TENM4: variants seen among roughly 807,000 people sequenced by gnomAD.
TENM4 encodes teneurin transmembrane protein 4.
A neutral mutation model predicts 243.3 loss-of-function variants in TENM4; 82 were observed. The observed-to-expected ratio is 0.34, with a 90% CI of 0.28 to 0.40. TENM4 has a LOEUF of 0.40. Among genes scored for constraint, TENM4 ranks in the 10% least tolerant of loss-of-function variants. TENM4 has a pLI of 1.00. For missense variants in TENM4, 3,138 were observed against 3,673.3 expected (o/e 0.85, Z 3.77); for synonymous variants, 1,412 against 1,456.3 (o/e 0.97, Z 0.69).
chr11:79,218,733 C>T (rs544981084), intron 2 of TENM4, among the ~76,000 whole-genome samples: 1 of 152,310 alleles, frequency 6.6e-6, no homozygotes, highest in South Asian at 2.1e-4. Context: ...TCCCTAAATT[C>T]CCTTTTTTTC....
chr11:78,809,243 TCAGAAGGAA>T (rs1331622365), intron 14 of TENM4, among the ~76,000 whole-genome samples: 2 of 152,002 alleles, frequency 1.3e-5, no homozygotes, highest in Non-Finnish European at 2.9e-5. Context: ...AGAACAAAGA[TCAGAAGGAA>T]CTGACGAGAG....
At chr11:79,363,297 G>T (rs56159700) in intron 1 of TENM4, among the ~76,000 whole-genome samples, 38,945 of 152,106 alleles carry the variant, frequency 0.26, 5,085 homozygotes, top group Middle Eastern at 0.33. Flanking sequence ...CAGCCCACTT[G>T]CTCCATCTGC....
intron 6 of TENM4, among the ~76,000 whole-genome samples, chr11:78,912,350 G>A (rs1350250813): frequency 2.6e-5 from 4 of 152,200 alleles, no homozygotes; most frequent in South Asian, 2.1e-4. Flanking sequence ...CGTCTCATGG[G>A]TTCAAGCAAT....
chr11:79,331,776 C>T (rs188102273), intron 1 of TENM4, among the ~76,000 whole-genome samples: 276 of 152,338 alleles, frequency 1.8e-3, no homozygotes, highest in Non-Finnish European at 2.7e-3. Flanking sequence ...AGGGGAGCCT[C>T]GCAGGGGCTG....
At chr11:79,352,816 C>T (rs1486435848) in intron 1 of TENM4, among the ~76,000 whole-genome samples, 2 of 152,126 alleles carry the variant, frequency 1.3e-5, no homozygotes, top group Non-Finnish European at 2.9e-5. Context: ...CAAAAAGAGA[C>T]GCAACAAATT....
chr11:79,047,197 C>G (rs1859679219), intron 6 of TENM4, among the ~76,000 whole-genome samples: 1 of 152,122 alleles, frequency 6.6e-6, no homozygotes, highest in African/African-American at 2.4e-5. Flanking sequence ...TACCTCTGAC[C>G]AAGAGACAGA....
At chr11:79,301,878 G>A (rs552269478) in intron 1 of TENM4, among the ~76,000 whole-genome samples, 1 of 152,120 alleles carries the variant, frequency 6.6e-6, no homozygotes, top group African/African-American at 2.4e-5. Flanking sequence ...GTTTCCTGAG[G>A]TCTCCCCAGA....
chr11:79,215,054 T>A (rs956679290), intron 3 of TENM4, among the ~76,000 whole-genome samples: 2 of 152,200 alleles, frequency 1.3e-5, no homozygotes, highest in African/African-American at 2.4e-5. Flanking sequence ...TGGTACCTAG[T>A]AGGTTCACAG....
chr11:79,212,214 T>C (rs946026670), intron 3 of TENM4, among the ~76,000 whole-genome samples: 2 of 152,156 alleles, frequency 1.3e-5, no homozygotes, highest in East Asian at 1.9e-4. Context: ...GGTCAATGCT[T>C]ATAACTGAAA....
rs1858249715 is a variant in TENM4, at chr11:78,669,397, G to A, written c.6948C>T (p.Asp2316=). 1 of 1,613,684 alleles carries A rather than the reference G, an allele frequency of 6.2e-7. No individual in the cohort carries two copies. The highest frequency in any genetic ancestry group is 8.5e-7 in the Non-Finnish European group (1 of 1,179,726). Residue 2316 remains aspartate (D), a synonymous_variant, in exon 32 of 34, where the codon GAC becomes GAT. Coordinates refer to ENST00000278550, the MANE Select transcript of TENM4 (RefSeq NM_001098816.3). The surrounding 1 kb of genome is among the most constrained non-coding windows in gnomAD (Gnocchi z 6.4). ...GGGTGACCTTGGTGGGGTTGGTCAG[G>A]TCTGCATAGAAGAACTGCAGGTGGT... is the stretch of plus-strand genomic sequence containing the variant. ...HSHHLQFFYA[D]LTNPTKVTHL... is the part of the protein sequence containing the mutation.
chr11:79,118,506 C>A (rs1341185387), intron 4 of TENM4, among the ~76,000 whole-genome samples: 1 of 152,144 alleles, frequency 6.6e-6, no homozygotes, highest in Admixed American at 6.5e-5. Flanking sequence ...GTACAGAACT[C>A]TTCATCTTTC....
chr11:79,380,288 T>C (rs1326148442), intron 1 of TENM4, among the ~76,000 whole-genome samples: 3 of 152,132 alleles, frequency 2.0e-5, no homozygotes, highest in African/African-American at 7.2e-5. Flanking sequence ...CATGGGCATT[T>C]TCCACATCAA....
intron 1 of TENM4, among the ~76,000 whole-genome samples, chr11:79,365,770 A>G (rs1273746238): frequency 3.3e-5 from 5 of 152,138 alleles, no homozygotes; most frequent in African/African-American, 1.2e-4. Flanking sequence ...ACCAGATCTC[A>G]GGGGGTCTGG....
At chr11:78,973,536 A>G (rs1857588180) in intron 6 of TENM4, among the ~76,000 whole-genome samples, 1 of 152,054 alleles carries the variant, frequency 6.6e-6, no homozygotes, top group Admixed American at 6.5e-5. Context: ...TCTTTTTATT[A>G]CTAAAGTGTA....
intron 1 of TENM4, among the ~76,000 whole-genome samples, chr11:79,426,165 G>A (rs947117336): frequency 2.6e-5 from 4 of 152,146 alleles, no homozygotes; most frequent in African/African-American, 9.7e-5. Context: ...TGTGAGAAGA[G>A]GATACATATC....
chr11:79,178,656 AG>A (rs1220244504), intron 3 of TENM4, among the ~76,000 whole-genome samples: 1 of 152,240 alleles, frequency 6.6e-6, no homozygotes, highest in Admixed American at 6.5e-5. Context: ...GGCCCTTGAC[AG>A]GAGCAGTGTT....
At chr11:79,342,860 G>A (rs1372206934) in intron 1 of TENM4, among the ~76,000 whole-genome samples, 2 of 152,192 alleles carry the variant, frequency 1.3e-5, no homozygotes, top group Non-Finnish European at 2.9e-5. Context: ...CCTTCCCCCT[G>A]CCTGCGTCCC....
intron 3 of TENM4, among the ~76,000 whole-genome samples, chr11:79,189,852 G>A (rs1197665046): frequency 6.6e-6 from 1 of 152,172 alleles, no homozygotes; most frequent in Admixed American, 6.5e-5. Context: ...ACTTGCCTGC[G>A]CAGCCTCCGT....
intron 1 of TENM4, among the ~76,000 whole-genome samples, chr11:79,366,264 T>C (rs1183498067): frequency 6.6e-6 from 1 of 152,208 alleles, no homozygotes; most frequent in Non-Finnish European, 1.5e-5. Flanking sequence ...AAGACTCTTC[T>C]CAGGAATGCC....
Sources: allele counts gnomAD v4.1 joint callset (sites outside exome capture counted in the v4.1 genomes callset), GRCh38; gene constraint gnomAD v4.1.1; non-coding constraint Gnocchi (gnomAD v3.1); transcripts MANE v1.5; gene names NCBI Gene and HGNC (gene_info 2026-07-23, HGNC 2026-07-21).